MED12L: variants seen among roughly 807,000 people sequenced by gnomAD.
The protein encoded by MED12L is mediator complex subunit 12L.
A neutral mutation model predicts 281.3 loss-of-function variants in MED12L; 60 were observed. The observed-to-expected ratio is 0.21, with a 90% CI of 0.17 to 0.26. MED12L has a LOEUF of 0.26. Ranked by LOEUF, MED12L falls within the 10% of genes least tolerant of loss-of-function variation. The probability of loss-of-function intolerance (pLI) is 1.00; values close to 1 mark genes in which losing one functional copy is unlikely to be tolerated. For synonymous variants in MED12L, 974 were observed against 987.2 expected (o/e 0.99, Z 0.25); for missense variants, 2,146 against 2,680.9 (o/e 0.80, Z 4.41).
chr3:151,230,506 T>G lies in MED12L; in HGVS notation c.2250+36840T>G, dbSNP rs563578651. Among the ~76,000 whole-genome samples the G allele has an allele frequency of 8.5e-5, 13 of 152,228 alleles. No individual in the cohort carries two copies. In the East Asian group the frequency reaches 1.5e-3, roughly 18 times the overall value. On this transcript the variant is annotated intron_variant, in intron 16 of 44. Transcript: ENST00000687756. ...TTTCTCGTTATACTATACACTACAC[T>G]TTGATGCTCATTGACATCCTTGGAC...
intron 16 of MED12L, among the ~76,000 whole-genome samples, chr3:151,258,260 C>T (rs1254419177): frequency 2.0e-5 from 3 of 152,308 alleles, no homozygotes; most frequent in African/African-American, 7.2e-5. Flanking sequence ...TCTTGACCCT[C>T]ACAATTGTTG....
intron 39 of MED12L, among the ~76,000 whole-genome samples, chr3:151,397,481 G>A (rs1402953969): frequency 6.6e-6 from 1 of 152,170 alleles, no homozygotes; most frequent in Non-Finnish European, 1.5e-5. Flanking sequence ...CTGAGGAAAT[G>A]TTAGTGCCTT....
intron 16 of MED12L, among the ~76,000 whole-genome samples, chr3:151,345,234 G>C (rs141138980): frequency 6.6e-6 from 1 of 152,300 alleles, no homozygotes; most frequent in East Asian, 1.9e-4. Flanking sequence ...GGATAAAAGA[G>C]GTAGCCTGAC....
chr3:151,130,525 G>C (rs370432944), intron 5 of MED12L, among the ~76,000 whole-genome samples: 17 of 152,294 alleles, frequency 1.1e-4, no homozygotes, highest in African/African-American at 3.8e-4. Flanking sequence ...TAGCCAGAAT[G>C]ATCCTGTTAG....
intron 5 of MED12L, among the ~76,000 whole-genome samples, chr3:151,134,274 G>A (rs941754526): frequency 1.8e-4 from 27 of 151,520 alleles, no homozygotes; most frequent in African/African-American, 6.6e-4. Flanking sequence ...CTGTTGTGCA[G>A]TGATACAGTG....
At chr3:151,365,541 CTA>C (rs1280522746) in intron 22 of MED12L, among the ~76,000 whole-genome samples, 2 of 152,104 alleles carry the variant, frequency 1.3e-5, no homozygotes, top group Non-Finnish European at 2.9e-5. Context: ...TACATGATGT[CTA>C]TAAATTTTTT....
intron 43 of MED12L, among the ~76,000 whole-genome samples, chr3:151,428,001 A>G (rs1719059620): frequency 1.3e-5 from 2 of 152,232 alleles, no homozygotes; most frequent in South Asian, 4.1e-4. Flanking sequence ...AGCTGACCTG[A>G]ATAGACATGA....
At chr3:151,247,888 C>CTTATAATGTATTCAGA (rs1428120931) in intron 16 of MED12L, among the ~76,000 whole-genome samples, 5 of 145,928 alleles carry the variant, frequency 3.4e-5, no homozygotes, top group Middle Eastern at 3.4e-3. Flanking sequence ...TTGCAGTGTT[C>CTTATAATGTATTCAGA]TTATAATGTA....
At chr3:151,417,901 T>A (rs1263364022) in intron 43 of MED12L, among the ~76,000 whole-genome samples, 1 of 152,228 alleles carries the variant, frequency 6.6e-6, no homozygotes, top group Non-Finnish European at 1.5e-5. Context: ...AGAGGTAGTA[T>A]GTAAAACTGC....
At chr3:151,281,824 T>A (rs1190165245) in intron 16 of MED12L, among the ~76,000 whole-genome samples, 2 of 152,078 alleles carry the variant, frequency 1.3e-5, no homozygotes, top group Non-Finnish European at 2.9e-5. Flanking sequence ...GTAATAGGAC[T>A]GGTTATATAT....
At chr3:151,415,646 A>C (rs1363645636) in intron 42 of MED12L, among the ~76,000 whole-genome samples, 2 of 152,212 alleles carry the variant, frequency 1.3e-5, no homozygotes, top group African/African-American at 4.8e-5. Flanking sequence ...TGGGTGGAGG[A>C]AATTTTAAAG....
chr3:151,413,509 A>T (rs546807847), intron 42 of MED12L, among the ~76,000 whole-genome samples: 1 of 152,340 alleles, frequency 6.6e-6, no homozygotes, highest in South Asian at 2.1e-4. Flanking sequence ...GCAGAAGAGT[A>T]CGTTTTGCAG....
intron 5 of MED12L, among the ~76,000 whole-genome samples, chr3:151,149,732 T>A (rs1718204721): frequency 6.6e-6 from 1 of 152,256 alleles, no homozygotes; most frequent in Admixed American, 6.5e-5. Context: ...CAAACTCTGC[T>A]ACTGTTTCAT....
At chr3:151,425,163 G>T (rs549352462) in intron 43 of MED12L, among the ~76,000 whole-genome samples, 2 of 152,270 alleles carry the variant, frequency 1.3e-5, no homozygotes, top group South Asian at 4.2e-4. Context: ...TCTGAGCATC[G>T]GTAGGTCCAT....
At chr3:151,356,964 G>A (rs1391655967) in intron 19 of MED12L, among the ~76,000 whole-genome samples, 1 of 152,080 alleles carries the variant, frequency 6.6e-6, no homozygotes, top group Admixed American at 6.6e-5. Context: ...TACAGTCCAG[G>A]ACCTTGCACT....
chr3:151,116,064 CAA>C (rs59017489), intron 2 of MED12L, among the ~76,000 whole-genome samples: 38,161 of 91,696 alleles, frequency 0.42, 6,110 homozygotes, highest in Non-Finnish European at 0.48. Context: ...ACTCCATCTC[CAA>C]AAAAAAAAAA....
intron 9 of MED12L, 129 bp downstream of exon 9, chr3:151,164,171 T>A (rs905454841): frequency 9.6e-6 from 9 of 940,552 alleles, no homozygotes; most frequent in African/African-American, 1.7e-5. Context: ...GCTAACACTC[T>A]GGGTGACCTT....
intron 2 of MED12L, among the ~76,000 whole-genome samples, chr3:151,089,938 C>T (rs1294238247): frequency 1.3e-5 from 2 of 152,186 alleles, no homozygotes; most frequent in Non-Finnish European, 2.9e-5. Flanking sequence ...CTGTTCAGTT[C>T]CAAAATATAT....
At chr3:151,349,399 C>G (rs1306961901) in intron 16 of MED12L, among the ~76,000 whole-genome samples, 1 of 152,094 alleles carries the variant, frequency 6.6e-6, no homozygotes, top group African/African-American at 2.4e-5. Flanking sequence ...ATTGTTTTGT[C>G]TTTTGGAAAT....
Sources: allele counts gnomAD v4.1 joint callset (sites outside exome capture counted in the v4.1 genomes callset), GRCh38; gene constraint gnomAD v4.1.1; transcripts MANE v1.5; gene names NCBI Gene and HGNC (gene_info 2026-07-23, HGNC 2026-07-21).